Variants in MAGI2 observed in about 807,000 individuals in gnomAD.
MAGI2 encodes membrane associated guanylate kinase, WW and PDZ domain containing 2.
In MAGI2, 35 loss-of-function variants were observed where a neutral mutation model predicts 133.3. The observed-to-expected ratio is 0.26, with a 90% CI of 0.20 to 0.35. The LOEUF is 0.35. MAGI2 is among the 10% of genes least tolerant of loss of function. The pLI is 1.00. For missense variants in MAGI2, 1,636 were observed against 1,863.4 expected (o/e 0.88, Z 2.25); for synonymous variants, 729 against 710.6 (o/e 1.03, Z -0.41).
intron 1 of MAGI2, among the ~76,000 whole-genome samples, chr7:79,266,890 G>A (rs1438963321): frequency 3.3e-5 from 5 of 152,004 alleles, no homozygotes; most frequent in South Asian, 2.1e-4. Flanking sequence ...CTTAACATAC[G>A]TTCTTGAGTT....
chr7:78,754,260 A>T (rs1364637292), intron 2 of MAGI2, among the ~76,000 whole-genome samples: 2 of 151,866 alleles, frequency 1.3e-5, no homozygotes, highest in Non-Finnish European at 2.9e-5. Flanking sequence ...GGTCCCAGCT[A>T]CTAGGGAGGC....
intron 1 of MAGI2, among the ~76,000 whole-genome samples, chr7:79,190,837 A>C (rs1025823786): frequency 1.3e-5 from 2 of 151,820 alleles, no homozygotes; most frequent in Non-Finnish European, 2.9e-5. Context: ...TTTAAAAATA[A>C]GTTCTTGATT....
intron 20 of MAGI2, among the ~76,000 whole-genome samples, chr7:78,113,911 CTG>C (rs1819607208): frequency 6.6e-6 from 1 of 152,184 alleles, no homozygotes; most frequent in African/African-American, 2.4e-5. Flanking sequence ...AATTGACTCT[CTG>C]TGAAATTACT....
intron 9 of MAGI2, among the ~76,000 whole-genome samples, chr7:78,320,722 A>G (rs1787909327): frequency 6.6e-6 from 1 of 152,216 alleles, no homozygotes; most frequent in African/African-American, 2.4e-5. Flanking sequence ...CAAGACAAGG[A>G]TGCCCTCTCT....
Position 78,162,307 on chromosome 7 carries a change from C to T in MAGI2, c.2597-2034G>A, listed in dbSNP as rs181516235. Among the ~76,000 whole-genome samples, 1,031 of 149,394 alleles carry T rather than the reference C, an allele frequency of 6.9e-3. 7 individuals are homozygous for T. Among genetic ancestry groups the T allele is most frequent in the African/African-American group, 0.024 (963 of 40,520 alleles). On this transcript the variant is annotated intron_variant, in intron 15 of 21. Coordinates refer to ENST00000354212, the MANE Select transcript of MAGI2 (RefSeq NM_012301.4). ...TTGGGAGGCTGAGGCGGGCGGATCA[C>T]GAGGTCAGGAGATCGAGACCACGGT...
At chr7:78,545,973 T>G (rs1337378493) in intron 3 of MAGI2, among the ~76,000 whole-genome samples, 1 of 152,204 alleles carries the variant, frequency 6.6e-6, no homozygotes, top group Non-Finnish European at 1.5e-5. Flanking sequence ...AAACGTTAAA[T>G]AATATATTGA....
At chr7:78,111,779 T>C (rs757873845) in intron 20 of MAGI2, among the ~76,000 whole-genome samples, 9 of 152,148 alleles carry the variant, frequency 5.9e-5, no homozygotes, top group East Asian at 3.8e-4. Context: ...ATCTGAAGGA[T>C]GATTAAGAGT....
intron 1 of MAGI2, among the ~76,000 whole-genome samples, chr7:79,024,230 G>A (rs1324530637): frequency 1.3e-5 from 2 of 152,052 alleles, no homozygotes; most frequent in African/African-American, 4.8e-5. Flanking sequence ...ACAAGCAATG[G>A]GGAAAGTATC....
At chr7:78,355,996 G>A (rs1340218835) in intron 7 of MAGI2, among the ~76,000 whole-genome samples, 2 of 152,180 alleles carry the variant, frequency 1.3e-5, no homozygotes, top group Admixed American at 6.5e-5. Context: ...GCATGAATGA[G>A]GAGTCAGGAG....
chr7:78,478,948 T>A (rs1363871276), intron 6 of MAGI2, among the ~76,000 whole-genome samples: 1 of 151,916 alleles, frequency 6.6e-6, no homozygotes, highest in Non-Finnish European at 1.5e-5. Flanking sequence ...GCCTTTTTCC[T>A]GACCCATACC....
chr7:79,028,249 A>G (rs867589548), intron 1 of MAGI2, among the ~76,000 whole-genome samples: 395 of 28,706 alleles, frequency 0.014, 8 homozygotes, highest in African/African-American at 0.038. Context: ...ATATATATAT[A>G]TATATATATA....
At chr7:78,869,676 A>G (rs1794865804) in intron 2 of MAGI2, among the ~76,000 whole-genome samples, 1 of 152,162 alleles carries the variant, frequency 6.6e-6, no homozygotes, top group Admixed American at 6.5e-5. Context: ...GAGCAAGGAA[A>G]ACTGCTTTAT....
chr7:78,268,022 T>C (rs1489997524), intron 9 of MAGI2, among the ~76,000 whole-genome samples: 1 of 152,178 alleles, frequency 6.6e-6, no homozygotes. Context: ...CTATTGAACA[T>C]GTATCTACGT....
At chr7:78,751,747 A>C (rs1363115918) in intron 2 of MAGI2, among the ~76,000 whole-genome samples, 2 of 152,244 alleles carry the variant, frequency 1.3e-5, no homozygotes, top group Non-Finnish European at 1.5e-5. Flanking sequence ...ATTATCTGGA[A>C]GCACTGGGAA....
rs186384967 is a variant in MAGI2 at position 78,601,993 on chromosome 7, A to C, written c.538+25127T>G. Among the ~76,000 whole-genome samples, 46 of 152,258 alleles carry C rather than the reference A, an allele frequency of 3.0e-4. No individual in the cohort carries two copies. In the East Asian group the frequency reaches 7.7e-3, roughly 26 times the overall value. On this transcript the variant is annotated intron_variant, in intron 3 of 21. Coordinates refer to ENST00000354212, the MANE Select transcript of MAGI2 (RefSeq NM_012301.4). Reference sequence around the variant, plus strand: ...TTTGAACATGAGGAATCATCAGTAGAATGAGCCCCACATTTCAAAGCTACA... The same window carrying C: ...TTTGAACATGAGGAATCATCAGTAGCATGAGCCCCACATTTCAAAGCTACA...
At chr7:78,508,143 A>C (rs1047260280) in intron 4 of MAGI2, among the ~76,000 whole-genome samples, 2 of 152,172 alleles carry the variant, frequency 1.3e-5, no homozygotes, top group African/African-American at 4.8e-5. Flanking sequence ...GACACCAGTC[A>C]TACTGGATGA....
chr7:78,486,734 G>A (rs76165754), intron 6 of MAGI2: 7,180 of 400,754 alleles, frequency 0.018, 169 homozygotes, highest in East Asian at 0.081. Flanking sequence ...TTTGGAAAAT[G>A]TTGGTATATC....
intron 1 of MAGI2, among the ~76,000 whole-genome samples, chr7:79,054,601 C>A (rs1812972193): frequency 6.6e-6 from 1 of 152,192 alleles, no homozygotes; most frequent in South Asian, 2.1e-4. Flanking sequence ...ATACCATAAA[C>A]TAGGCCTTGA....
intron 6 of MAGI2, among the ~76,000 whole-genome samples, chr7:78,392,624 A>C (rs1251767681): frequency 2.0e-5 from 3 of 152,092 alleles, no homozygotes; most frequent in Admixed American, 6.6e-5. Flanking sequence ...TTATCCACGC[A>C]CTTGTATTCT....
Sources: gnomAD v4.1 joint callset for allele counts (sites outside exome capture counted in the v4.1 genomes callset) on GRCh38, gnomAD v4.1.1 for gene constraint, MANE v1.5 for transcripts, NCBI Gene and HGNC (gene_info 2026-07-23, HGNC 2026-07-21) for gene names.